SH3KBP1: variants seen among roughly 807,000 people sequenced by gnomAD.
SH3KBP1 encodes the protein SH3 domain containing kinase binding protein 1.
A neutral mutation model predicts 50.1 loss-of-function variants in SH3KBP1; 8 were observed. The ratio of observed to expected loss-of-function variants is 0.16; its 90% confidence interval spans 0.09 to 0.29. The LOEUF is 0.29. Among genes scored for constraint, SH3KBP1 ranks in the 10% least tolerant of loss-of-function variants. The pLI, the probability that SH3KBP1 is intolerant of heterozygous loss-of-function variation, is 1.00. For synonymous variants in SH3KBP1, 227 were observed against 218.6 expected, an observed-to-expected ratio of 1.04 and a Z score of -0.34; for missense variants, 377 against 535.2, an observed-to-expected ratio of 0.70 and a Z score of 2.92.
intron 3 of SH3KBP1, among the ~76,000 whole-genome samples, chrX:19,738,379 C>T (rs1029989275): frequency 9.0e-6 from 1 of 111,004 alleles, no homozygotes; most frequent in Non-Finnish European, 1.9e-5. Flanking sequence ...GAGCATGTCA[C>T]GCTTGGTGCA....
intron 12 of SH3KBP1, among the ~76,000 whole-genome samples, chrX:19,576,970 A>G (rs779999220): frequency 6.3e-5 from 7 of 111,598 alleles, no homozygotes; most frequent in African/African-American, 2.0e-4. Flanking sequence ...ACATGGGATG[A>G]CTCAGATGGG....
At chrX:19,584,687 A>C (rs1343714854) in intron 12 of SH3KBP1, among the ~76,000 whole-genome samples, 1 of 111,275 alleles carries the variant, frequency 9.0e-6, no homozygotes, top group Non-Finnish European at 1.9e-5. Flanking sequence ...TGCTTTTCCT[A>C]AACTTATGTA....
At chrX:19,783,699 C>T (rs767974961) in intron 2 of SH3KBP1, among the ~76,000 whole-genome samples, 4 of 111,145 alleles carry the variant, frequency 3.6e-5, no homozygotes, top group African/African-American at 6.5e-5. Context: ...TTAGTGTATT[C>T]GAAATGTCTA....
intron 12 of SH3KBP1, among the ~76,000 whole-genome samples, chrX:19,570,994 T>C (rs1274133564): frequency 9.0e-6 from 1 of 111,720 alleles, no homozygotes; most frequent in African/African-American, 3.3e-5. Flanking sequence ...TGGCACAACA[T>C]GCATATTTTT....
chrX:19,564,144 T>C (rs1256408329), intron 13 of SH3KBP1, among the ~76,000 whole-genome samples: 1 of 111,940 alleles, frequency 8.9e-6, no homozygotes, highest in Non-Finnish European at 1.9e-5. Context: ...GAAAAACCAA[T>C]AGCCCCAAGT....
intron 5 of SH3KBP1, among the ~76,000 whole-genome samples, chrX:19,690,058 CTCTTTT>C (rs1216216832): frequency 4.1e-5 from 4 of 97,638 alleles, no homozygotes; most frequent in Admixed American, 1.1e-4. Context: ...CTCTCTCTCT[CTCTTTT>C]TTTTTTTTTT....
intron 8 of SH3KBP1, among the ~76,000 whole-genome samples, chrX:19,616,831 C>T (rs955846131): frequency 2.7e-5 from 3 of 110,776 alleles, no homozygotes; most frequent in Non-Finnish European, 3.8e-5. Context: ...GATAGCACCT[C>T]GTGTTTTTCT....
intron 13 of SH3KBP1, among the ~76,000 whole-genome samples, chrX:19,563,276 G>A (rs1266310353): frequency 8.9e-6 from 1 of 112,212 alleles, no homozygotes; most frequent in African/African-American, 3.2e-5. Flanking sequence ...GGGCCCTGAA[G>A]GACCATCTCC....
intron 13 of SH3KBP1, among the ~76,000 whole-genome samples, chrX:19,552,457 C>G (rs1384449656): frequency 2.7e-5 from 3 of 110,295 alleles, no homozygotes; most frequent in Admixed American, 2.0e-4. Context: ...ACCCAAGGAG[C>G]AGATGCTGAC....
At chrX:19,607,732 C>T (rs2067282840) in intron 9 of SH3KBP1, among the ~76,000 whole-genome samples, 1 of 112,140 alleles carries the variant, frequency 8.9e-6, no homozygotes, top group South Asian at 3.7e-4. Context: ...TATGCAACAA[C>T]CGCAGAGTAG....
intron 12 of SH3KBP1, among the ~76,000 whole-genome samples, chrX:19,578,114 G>A (rs1165843180): frequency 8.9e-6 from 1 of 112,001 alleles, no homozygotes; most frequent in African/African-American, 3.2e-5. Context: ...AGATCCTAGA[G>A]AAACCACTCG....
chrX:19,802,760 C>T lies in SH3KBP1; in HGVS notation c.162+33365G>A, dbSNP rs548494881. Among the ~76,000 whole-genome samples, 17 of 111,389 alleles carry T rather than the reference C, an allele frequency of 1.5e-4. No homozygotes were observed. The South Asian group carries it at 5.3e-3, about 35-fold the overall frequency. On this transcript the variant is annotated intron_variant, in intron 2 of 17. Transcript: ENST00000397821. ...TCCCCCTCCCTTTGTGCTCCCTTAG[C>T]GTACTGGGCACGCACCACAACGGGT...
intron 2 of SH3KBP1, among the ~76,000 whole-genome samples, chrX:19,824,945 T>C (rs1413173406): frequency 3.6e-5 from 4 of 112,298 alleles, no homozygotes; most frequent in Non-Finnish European, 7.5e-5. Flanking sequence ...ATCTAACAGG[T>C]TCCAGTTGTT....
chrX:19,693,059 C>G (rs1394037568), intron 5 of SH3KBP1, among the ~76,000 whole-genome samples: 1 of 111,542 alleles, frequency 9.0e-6, no homozygotes, highest in Non-Finnish European at 1.9e-5. Context: ...TTCAATTTAG[C>G]AAGCTATTCA....
intron 8 of SH3KBP1, among the ~76,000 whole-genome samples, chrX:19,621,589 G>T (rs1335174965): frequency 9.6e-6 from 1 of 104,008 alleles, no homozygotes; most frequent in Non-Finnish European, 1.9e-5. Context: ...TTACATTTTT[G>T]AATGGTTTTT....
intron 2 of SH3KBP1, among the ~76,000 whole-genome samples, chrX:19,766,812 G>A (rs762203246): frequency 2.7e-5 from 3 of 110,731 alleles, no homozygotes; most frequent in South Asian, 3.8e-4. Context: ...TTTGATGTAC[G>A]GAAGTTTTAC....
At chrX:19,621,007 G>C (rs2148204237) in intron 8 of SH3KBP1, among the ~76,000 whole-genome samples, 1 of 84,963 alleles carries the variant, frequency 1.2e-5, no homozygotes, top group South Asian at 4.9e-4. Flanking sequence ...AATAGGTTCA[G>C]GTTGGTTTTT....
rs183538528 is a variant in SH3KBP1, at chrX:19,618,427, C to G, written c.898-10382G>C. ...AAAAAAAAACAGTTTCTATCTGGAG[C>G]CTCTTCAGAGAACAGCACCCAACAG... On this transcript the variant is annotated intron_variant, in intron 8 of 17. Transcript: ENST00000397821. 1.5e-3 allele frequency among the ~76,000 whole-genome samples: 161 copies of G among 105,586 alleles called. 3 individuals carry two copies. The East Asian group carries it at 0.039, about 26-fold the overall frequency. 91.7% of individuals were successfully genotyped at this position (105,586 alleles called of 115,157 possible). A position where few individuals can be genotyped will look rare whatever the true frequency, so the allele number is the denominator to read the frequency against.
chrX:19,596,884 C>G (rs1202795349), intron 9 of SH3KBP1, among the ~76,000 whole-genome samples: 1 of 112,123 alleles, frequency 8.9e-6, no homozygotes, highest in Non-Finnish European at 1.9e-5. Flanking sequence ...TCCGCCACAT[C>G]TGCAGTTACT....
Sources: gnomAD v4.1 joint callset for allele counts (sites outside exome capture counted in the v4.1 genomes callset) on GRCh38, gnomAD v4.1.1 for gene constraint, MANE v1.5 for transcripts, NCBI Gene and HGNC (gene_info 2026-07-23, HGNC 2026-07-21) for gene names.